The following THSD4 variants were observed in gnomAD, a reference collection of about 807,000 sequenced individuals.
THSD4 encodes the protein thrombospondin type 1 domain containing 4.
In THSD4, 69 loss-of-function variants were observed where a neutral mutation model predicts 119.0. That is an observed-to-expected ratio of 0.58 (90% CI 0.48 to 0.71). The LOEUF is 0.71. Ranked by LOEUF, THSD4 falls within the 30% of genes least tolerant of loss-of-function variation. THSD4 has a pLI of 0.00. For missense variants in THSD4, 1,393 were observed against 1,391.1 expected, an observed-to-expected ratio of 1.00 and a Z score of -0.02; for synonymous variants, 524 against 540.4, an observed-to-expected ratio of 0.97 and a Z score of 0.42.
chr15:71,572,180 T>G (rs1425317919), intron 7 of THSD4, among the ~76,000 whole-genome samples: 2 of 152,224 alleles, frequency 1.3e-5, no homozygotes, highest in Non-Finnish European at 2.9e-5. Flanking sequence ...TTACAAAATC[T>G]TTAGCTATTT....
chr15:71,748,395 C>G lies in THSD4; in HGVS notation c.2242-26C>G, dbSNP rs200832470. On this transcript the variant is annotated intron_variant, in intron 13 of 17. Transcript: ENST00000261862. ...TCCCAGAGCTGAAGCTGCTGGTTCCCCTGACGTCAGTGTGCTGTGTTTCAG... is the reference window on the plus strand; with the variant it reads ...TCCCAGAGCTGAAGCTGCTGGTTCCGCTGACGTCAGTGTGCTGTGTTTCAG... The G allele has an allele frequency of 1.5e-3, 2,440 of 1,612,660 alleles. 1 individual carries two copies. The highest frequency in any genetic ancestry group is 1.9e-3 in the Non-Finnish European group (2,297 of 1,178,996).
chr15:71,530,969 CA>C lies in THSD4; in HGVS notation c.1152+119147del, dbSNP rs2048601768. On this transcript the variant is annotated intron_variant, in intron 7 of 17. Transcript: ENST00000261862. ...GCGGGGGCATTGACGGGGATAGGGGCAGGGGTGCTAACTTAGATTTTGAGTC... is the reference window on the plus strand; with the variant it reads ...GCGGGGGCATTGACGGGGATAGGGGCGGGGTGCTAACTTAGATTTTGAGTC... Among the ~76,000 whole-genome samples, 5 of 150,962 alleles carry C rather than the reference CA, an allele frequency of 3.3e-5. 1 individual carries two copies. The South Asian group carries it at 6.3e-4, about 19-fold the overall frequency.
chr15:71,613,155 A>ATGTTTCAGAACCTCAAACCC (rs773977654), intron 7 of THSD4, among the ~76,000 whole-genome samples: 95 of 152,340 alleles, frequency 6.2e-4, no homozygotes, highest in Non-Finnish European at 1.0e-3. Context: ...CTCCCAAAGC[A>ATGTTTCAGAACCTCAAACCC]TGTTTCAGAA....
At chr15:71,690,559 G>A (rs919423244) in intron 8 of THSD4, among the ~76,000 whole-genome samples, 4 of 152,160 alleles carry the variant, frequency 2.6e-5, no homozygotes, top group African/African-American at 9.7e-5. Flanking sequence ...GAGAACCTGT[G>A]AACATGTTAA....
chr15:71,464,038 G>A (rs1052853785), intron 7 of THSD4, among the ~76,000 whole-genome samples: 30 of 152,140 alleles, frequency 2.0e-4, no homozygotes, highest in Non-Finnish European at 2.6e-4. Context: ...TTTATCTTGG[G>A]AAGTCCTTCA....
chr15:71,181,007 A>T (rs1289279163), intron 3 of THSD4, among the ~76,000 whole-genome samples: 1 of 152,220 alleles, frequency 6.6e-6, no homozygotes, highest in Non-Finnish European at 1.5e-5. Flanking sequence ...AAATGGCAAT[A>T]AAAGTCTCTG....
At chr15:71,284,086 C>G (rs187905958) in intron 6 of THSD4, among the ~76,000 whole-genome samples, 1 of 152,032 alleles carries the variant, frequency 6.6e-6, no homozygotes, top group Non-Finnish European at 1.5e-5. Context: ...GCTCTAGACT[C>G]GAATGGATGA....
At chr15:71,487,334 G>C (rs2047838272) in intron 7 of THSD4, among the ~76,000 whole-genome samples, 2 of 152,198 alleles carry the variant, frequency 1.3e-5, no homozygotes, top group Admixed American at 1.3e-4. Context: ...TTTTCCTTAA[G>C]CACTGGAATG....
chr15:71,764,943 A>G (rs2053689091), intron 15 of THSD4, 77 bp from the exon 16 acceptor site: 4 of 1,511,404 alleles, frequency 2.6e-6, no homozygotes, highest in Non-Finnish European at 1.8e-6. Context: ...TGCCCGTCAT[A>G]AGCATCCCTT....
chr15:71,170,710 T>A (rs1399865405), intron 3 of THSD4, among the ~76,000 whole-genome samples: 1 of 152,162 alleles, frequency 6.6e-6, no homozygotes, highest in Non-Finnish European at 1.5e-5. Flanking sequence ...TTCCCCATAA[T>A]GAGGAGAATA....
chr15:71,474,933 G>A (rs748691340), intron 7 of THSD4, among the ~76,000 whole-genome samples: 4 of 152,110 alleles, frequency 2.6e-5, no homozygotes, highest in Admixed American at 6.5e-5. Flanking sequence ...TTCAAAGTGC[G>A]GTTGCAGGAC....
intron 7 of THSD4, among the ~76,000 whole-genome samples, chr15:71,651,166 G>A (rs573425204): frequency 6.6e-6 from 1 of 152,294 alleles, no homozygotes; most frequent in South Asian, 2.1e-4. Flanking sequence ...AGGTTGTCAG[G>A]CCAGGAACCT....
intron 7 of THSD4, among the ~76,000 whole-genome samples, chr15:71,602,152 C>T (rs1010269501): frequency 6.6e-6 from 1 of 152,022 alleles, no homozygotes; most frequent in African/African-American, 2.4e-5. Context: ...TGGTCTGGAG[C>T]TAAAGGTCTT....
rs139094748 is a variant in THSD4 at position 71,628,465 on chromosome 15, G to A, written c.1153-32065G>A. On this transcript the variant is annotated intron_variant, in intron 7 of 17. Transcript: ENST00000261862. Reference sequence around the variant, plus strand: ...TGGCGCAGCAATCAAGGAGCAGAACGGGAATTTGAAGCAAGGTGCACCAGG... The same window carrying A: ...TGGCGCAGCAATCAAGGAGCAGAACAGGAATTTGAAGCAAGGTGCACCAGG... 5.1e-3 allele frequency among the ~76,000 whole-genome samples: 781 copies of A among 152,236 alleles called. 6 individuals carry two copies. Among genetic ancestry groups the A allele is most frequent in the Non-Finnish European group, 9.0e-3 (612 of 68,010 alleles).
chr15:71,452,975 T>C (rs1342841428), intron 7 of THSD4, among the ~76,000 whole-genome samples: 1 of 152,126 alleles, frequency 6.6e-6, no homozygotes, highest in Non-Finnish European at 1.5e-5. Context: ...AAATTGGTGC[T>C]CTTATAAGAA....
rs190556216 is a variant in THSD4 at position 71,276,937 on chromosome 15, T to C, written c.1015+20222T>C. ...ATCCTTTAAATTAAGAATTCTCTCA[T>C]TGGGGGCAGTGTATCCAGAGGTGGA... On this transcript the variant is annotated intron_variant, in intron 6 of 17. Coordinates refer to ENST00000261862, the MANE Select transcript of THSD4 (RefSeq NM_024817.3). Among the ~76,000 whole-genome samples the C allele has an allele frequency of 6.0e-4, 92 of 152,238 alleles. 1 individual carries two copies. The highest frequency in any genetic ancestry group is 2.1e-3 in the African/African-American group (86 of 41,536).
intron 8 of THSD4, among the ~76,000 whole-genome samples, chr15:71,673,045 A>G (rs2051565253): frequency 6.6e-6 from 1 of 152,204 alleles, no homozygotes; most frequent in African/African-American, 2.4e-5. Flanking sequence ...ATTGATTGGA[A>G]TAGTTTCAGA....
chr15:71,416,010 T>G (rs1317861867), intron 7 of THSD4, among the ~76,000 whole-genome samples: 2 of 152,242 alleles, frequency 1.3e-5, no homozygotes, highest in Non-Finnish European at 2.9e-5. Context: ...TTGGCCAGGC[T>G]GGTCTCGAAC....
At chr15:71,596,901 C>T (rs756872836) in intron 7 of THSD4, among the ~76,000 whole-genome samples, 4 of 152,142 alleles carry the variant, frequency 2.6e-5, no homozygotes, top group Admixed American at 2.6e-4. Context: ...TTAAGAGCAG[C>T]AGCCAAAGAG....
Sources: gnomAD v4.1 joint callset for allele counts (sites outside exome capture counted in the v4.1 genomes callset) on GRCh38, gnomAD v4.1.1 for gene constraint, MANE v1.5 for transcripts, NCBI Gene and HGNC (gene_info 2026-07-23, HGNC 2026-07-21) for gene names.